Variants in ZNF609 observed in about 807,000 individuals in gnomAD.
The protein encoded by ZNF609 is zinc finger protein 609.
ZNF609 carries 11 observed loss-of-function variants against 109.5 expected under a neutral mutation model. The observed-to-expected ratio is 0.10, with a 90% CI of 0.06 to 0.17. ZNF609 has a LOEUF of 0.17. Ranked by LOEUF, ZNF609 falls within the 10% of genes least tolerant of loss-of-function variation. ZNF609 has a pLI of 1.00. For missense variants in ZNF609, 1,559 were observed against 1,772.4 expected (o/e 0.88, Z 2.16); for synonymous variants, 646 against 662.0 (o/e 0.98, Z 0.37).
intron 1 of ZNF609, among the ~76,000 whole-genome samples, chr15:64,492,613 C>T (rs1354864363): frequency 6.6e-6 from 1 of 152,090 alleles, no homozygotes; most frequent in East Asian, 1.9e-4. Context: ...AACTCCTGGG[C>T]TCAAGTGATC....
Position 64,678,423 on chromosome 15 carries a change from A to G in ZNF609, c.3710A>G (p.Tyr1237Cys). Residue 1237 changes from tyrosine to cysteine, a missense_variant, in exon 6 of 10, where the codon TAC (tyrosine) becomes TGC (cysteine). Physicochemically the swap from Tyr to Cys is radical, Grantham distance 194 (BLOSUM62 -2). Coordinates refer to ENST00000326648, the MANE Select transcript of ZNF609 (RefSeq NM_015042.2). ...YMHGYSYSQSYDPNHPSYRSM... is the reference protein window; with the variant it reads ...YMHGYSYSQSCDPNHPSYRSM... ...CACGGCTATTCCTACAGTCAGTCCT[A>G]CGACCCCAACCACCCCAGCTACCGG... is the stretch of plus-strand genomic sequence containing the variant. 1 of 1,610,998 alleles carries G rather than the reference A, an allele frequency of 6.2e-7. No homozygotes were observed. The highest frequency in any genetic ancestry group is 8.5e-7 in the Non-Finnish European group (1 of 1,178,286).
chr15:64,565,635 G>C (rs1261997286), intron 2 of ZNF609, among the ~76,000 whole-genome samples: 4 of 152,124 alleles, frequency 2.6e-5, no homozygotes, highest in Non-Finnish European at 5.9e-5. Context: ...CATTCAAAGT[G>C]ATTGTTATGG....
chr15:64,601,503 A>C (rs1167286663), intron 2 of ZNF609, among the ~76,000 whole-genome samples: 1 of 152,218 alleles, frequency 6.6e-6, no homozygotes, highest in Non-Finnish European at 1.5e-5. Flanking sequence ...AATAAATAAA[A>C]TTATTGAACA....
intron 2 of ZNF609, among the ~76,000 whole-genome samples, chr15:64,588,507 T>G (rs1895240434): frequency 6.6e-6 from 1 of 150,828 alleles, no homozygotes; most frequent in African/African-American, 2.4e-5. Flanking sequence ...CTTGTTTTCT[T>G]GTTTTTTGTT....
intron 2 of ZNF609, among the ~76,000 whole-genome samples, chr15:64,566,791 T>G (rs1027752763): frequency 6.6e-6 from 1 of 152,338 alleles, no homozygotes; most frequent in East Asian, 1.9e-4. Flanking sequence ...GCTTCTGAGC[T>G]GCTTTTGAGA....
chr15:64,469,324 A>G (rs1421187961), intron 1 of ZNF609, among the ~76,000 whole-genome samples: 1 of 150,346 alleles, frequency 6.7e-6, no homozygotes, highest in Non-Finnish European at 1.5e-5. Context: ...TTCAGGAAGC[A>G]GAGATGGGAG....
At chr15:64,603,270 AT>A (rs540033727) in intron 2 of ZNF609, among the ~76,000 whole-genome samples, 2,625 of 125,744 alleles carry the variant, frequency 0.021, 32 homozygotes, top group Non-Finnish European at 0.027. Context: ...ACTGAGTCCT[AT>A]TTTTTTTTTT....
At chr15:64,592,416 A>C (rs1895314748) in intron 2 of ZNF609, among the ~76,000 whole-genome samples, 1 of 152,018 alleles carries the variant, frequency 6.6e-6, no homozygotes, top group Admixed American at 6.5e-5. Context: ...ATCTCTACTA[A>C]AAATATGAAA....
At chr15:64,475,954 A>G (rs1893163939) in intron 1 of ZNF609, among the ~76,000 whole-genome samples, 1 of 152,220 alleles carries the variant, frequency 6.6e-6, no homozygotes, top group East Asian at 1.9e-4. Context: ...TGAATAAACT[A>G]GGGAAAAGGC....
At chr15:64,495,917 C>G (rs1328627672) in intron 1 of ZNF609, among the ~76,000 whole-genome samples, 1 of 151,342 alleles carries the variant, frequency 6.6e-6, no homozygotes, top group Non-Finnish European at 1.5e-5. Context: ...TTCCCAGATT[C>G]AAGTGATTCT....
chr15:64,588,997 G>A (rs1895249999), intron 2 of ZNF609, among the ~76,000 whole-genome samples: 1 of 152,234 alleles, frequency 6.6e-6, no homozygotes, highest in South Asian at 2.1e-4. Flanking sequence ...TACCCAAATA[G>A]GGGAGATGGT....
chr15:64,662,539 A>C (rs1896594059), intron 3 of ZNF609, among the ~76,000 whole-genome samples: 1 of 152,166 alleles, frequency 6.6e-6, no homozygotes, highest in Non-Finnish European at 1.5e-5. Context: ...TGCCCAGGCT[A>C]GTTTCGAATT....
chr15:64,637,728 G>T (rs1896196257), intron 3 of ZNF609, among the ~76,000 whole-genome samples: 1 of 151,724 alleles, frequency 6.6e-6, no homozygotes, highest in African/African-American at 2.4e-5. Context: ...TTTGGATTGG[G>T]TTGTATGTCT....
Position 64,469,036 on chromosome 15 carries a change from T to TAAAA in ZNF609, c.-128+8215_-128+8218dup, listed in dbSNP as rs34593010. Among the ~76,000 whole-genome samples the TAAAA allele has an allele frequency of 8.7e-4, 53 of 60,780 alleles. 5 individuals are homozygous for TAAAA. Among genetic ancestry groups the TAAAA allele is most frequent in the Admixed American group, 3.1e-3 (11 of 3,518 alleles). 39.9% of individuals were successfully genotyped at this position (60,780 alleles called of 152,430 possible). On this transcript the variant is annotated intron_variant, in intron 1 of 9. Transcript: ENST00000326648. Reference sequence around the variant, plus strand: ...TGGGCAACAGAGAGGCCTCATATCTTAAAAAAAAAAAAAAAAAAAACAACA... The same window carrying TAAAA: ...TGGGCAACAGAGAGGCCTCATATCTTAAAAAAAAAAAAAAAAAAAAAAAACAACA...
At chr15:64,672,274 A>T (rs1189510501) in intron 4 of ZNF609, among the ~76,000 whole-genome samples, 4 of 149,108 alleles carry the variant, frequency 2.7e-5, no homozygotes, top group Non-Finnish European at 4.5e-5. Flanking sequence ...GGCCTCCCAA[A>T]GAGCTGGGAT....
intron 3 of ZNF609, among the ~76,000 whole-genome samples, chr15:64,637,819 T>G (rs1896197247): frequency 6.6e-6 from 1 of 151,946 alleles, no homozygotes; most frequent in Non-Finnish European, 1.5e-5. Context: ...AAATATCTTC[T>G]GTGTCTTAAC....
chr15:64,664,600 AAGTGTTATTTG>A, intron 3 of ZNF609, among the ~76,000 whole-genome samples: 1 of 152,240 alleles, frequency 6.6e-6, no homozygotes, highest in East Asian at 1.9e-4. Context: ...TTGGTCTGTT[AAGTGTTATTTG>A]CTGCTTTTCT....
At chr15:64,632,457 G>T (rs1275564924) in intron 3 of ZNF609, among the ~76,000 whole-genome samples, 1 of 150,466 alleles carries the variant, frequency 6.6e-6, no homozygotes, top group Non-Finnish European at 1.5e-5. Flanking sequence ...AGGGTTTTTT[G>T]TTTGTTTGTT....
Position 64,674,603 on chromosome 15 carries a change from C to A in ZNF609, c.1749C>A (p.Phe583Leu). The A allele has an allele frequency of 6.2e-7, 1 of 1,614,130 alleles. No individual in the cohort carries two copies. Among genetic ancestry groups the A allele is most frequent in the Admixed American group, 1.7e-5 (1 of 60,016 alleles). ...EPHSPSPSSK[F>L]STKGLCKKKL... Reference sequence around the variant, plus strand: ...ATAGCCCTTCTCCTTCAAGCAAATTCAGCACAAAAGGCCTCTGTAAGAAAA... The same window carrying A: ...ATAGCCCTTCTCCTTCAAGCAAATTAAGCACAAAAGGCCTCTGTAAGAAAA... Residue 583 changes from phenylalanine (F) to leucine (L), a missense_variant, in exon 5 of 10, where the codon TTC becomes TTA. Phe to Leu is a conservative substitution (Grantham distance 22, BLOSUM62 0). Transcript: ENST00000326648.
Sources: allele counts gnomAD v4.1 joint callset (sites outside exome capture counted in the v4.1 genomes callset), GRCh38; gene constraint gnomAD v4.1.1; transcripts MANE v1.5; gene names NCBI Gene and HGNC (gene_info 2026-07-23, HGNC 2026-07-21).